The following CTBP1 variants were observed in gnomAD, a reference collection of about 807,000 sequenced individuals.
CTBP1 encodes the protein C-terminal-binding protein 1.
Under a neutral mutation model 42.1 loss-of-function variants are expected in CTBP1, and 11 were observed. That is an observed-to-expected ratio of 0.26 (90% CI 0.16 to 0.43). CTBP1 has a LOEUF of 0.43. CTBP1 is among the 20% of genes least tolerant of loss of function. The pLI, the probability that CTBP1 is intolerant of heterozygous loss-of-function variation, is 1.00. For synonymous variants in CTBP1, 324 were observed against 277.1 expected (o/e 1.17, Z -1.68); for missense variants, 399 against 624.3 (o/e 0.64, Z 3.85).
intron 3 of CTBP1, among the ~76,000 whole-genome samples, chr4:1,234,191 G>A (rs1240889586): frequency 6.6e-6 from 1 of 152,252 alleles, no homozygotes; most frequent in Non-Finnish European, 1.5e-5. Flanking sequence ...AGCCCCTGCA[G>A]ACTCCACACA....
chr4:1,216,168 G>C lies in CTBP1; in HGVS notation c.552C>G (p.Ala184=). The C allele has an allele frequency of 6.2e-7, 1 of 1,610,862 alleles. No homozygotes were observed. Residue 184 remains alanine, a synonymous_variant, in exon 6 of 10, where the codon GCC becomes GCG. Transcript: ENST00000382952. The stretch of plus-strand genomic sequence containing the variant: ...CGTAGAAGAGCACGTTGAAGCCGAA[G>C]GCCTTGGCCCGCAGCGCCACTGCCT... ...VGQAVALRAK[A]FGFNVLFYDP...
intron 3 of CTBP1, chr4:1,231,105 T>C (rs1300812904): frequency 6.6e-6 from 1 of 152,270 alleles, no homozygotes; most frequent in African/African-American, 2.4e-5. Context: ...CTCCACCACG[T>C]ACCAGGTTGG....
intron 1 of CTBP1, chr4:1,245,320 T>C (rs1182939307): frequency 2.0e-6 from 2 of 985,418 alleles, no homozygotes; most frequent in East Asian, 2.3e-4. Context: ...CACGTTTCCC[T>C]GTTTGTTCAG....
At chr4:1,228,565 G>A (rs1445707352) in intron 3 of CTBP1, among the ~76,000 whole-genome samples, 1 of 152,234 alleles carries the variant, frequency 6.6e-6, no homozygotes, top group Admixed American at 6.5e-5. Flanking sequence ...TCCCACCGCA[G>A]CCTCCTCAGC....
At chr4:1,214,103 G>T (rs1327798520) in intron 7 of CTBP1, 4 of 531,104 alleles carry the variant, frequency 7.5e-6, no homozygotes, top group Non-Finnish European at 1.3e-5. Flanking sequence ...TTGGTCAGGA[G>T]CCCTGCCCAA....
At chr4:1,242,558 A>G in intron 1 of CTBP1, 2 of 985,378 alleles carry the variant, frequency 2.0e-6, no homozygotes, top group Non-Finnish European at 2.4e-6. Context: ...CATGCCGACC[A>G]TCTCCAGCTT....
At chr4:1,213,710 A>T in intron 7 of CTBP1, 105 bp from the exon 8 acceptor site, 1 of 1,449,260 alleles carries the variant, frequency 6.9e-7, no homozygotes, top group Non-Finnish European at 9.2e-7. Flanking sequence ...CTGCCTGGGA[A>T]CCACAGACCC....
intron 5 of CTBP1, among the ~76,000 whole-genome samples, chr4:1,224,715 T>C (rs891252875): frequency 4.6e-5 from 7 of 150,724 alleles, no homozygotes; most frequent in African/African-American, 1.7e-4. Context: ...TGTTGTGATA[T>C]CTGTGTGAGG....
chr4:1,242,080 C>T, intron 1 of CTBP1: 1 of 985,424 alleles, frequency 1.0e-6, no homozygotes, highest in Non-Finnish European at 1.2e-6. Flanking sequence ...CTCAGTGCAT[C>T]CTGGCGACGC....
At chr4:1,249,749 C>T, upstream of CTBP1, 1 of 351,446 alleles carries the variant, frequency 2.8e-6, no homozygotes, top group East Asian at 1.4e-4. Flanking sequence ...GGACCGCGTC[C>T]TGCCCGGCCC....
In CTBP1 at chr4:1,238,411, CTG is replaced by C. The variant is rs562766185; in HGVS notation, c.8-76_8-75del. The C allele has an allele frequency of 3.9e-3, 5,853 of 1,490,058 alleles. 16 individuals are homozygous for C. Among genetic ancestry groups the C allele is most frequent in the Non-Finnish European group, 4.7e-3 (5,293 of 1,122,432 alleles). 92.3% of individuals were successfully genotyped at this position (1,490,058 alleles called of 1,614,324 possible). ...GCTACAACCCACTCCACGCCACCCACTGTGCACGGGCCAACGAGGGCCGACCG... is the reference window on the plus strand; with the variant it reads ...GCTACAACCCACTCCACGCCACCCACTGCACGGGCCAACGAGGGCCGACCG... On this transcript the variant is annotated intron_variant, in intron 2 of 9. Transcript: ENST00000382952. This position sits in a 1 kb window ranked among gnomAD's most constrained non-coding sequence, Gnocchi z 5.9.
At chr4:1,242,542 A>G (rs1187045156) in intron 1 of CTBP1, 1 of 985,064 alleles carries the variant, frequency 1.0e-6, no homozygotes, top group African/African-American at 1.8e-5. Flanking sequence ...GCAGGATTCA[A>G]GCATACATGC....
chr4:1,216,092 T>C lies in CTBP1; in HGVS notation c.628A>G (p.Ser210Gly). ...VERALGLQRVSTLQDLLFHSD... is the reference protein window; with the variant it reads ...VERALGLQRVGTLQDLLFHSD... ...TGGAAGAGCAGGTCCTGCAGGGTGCTGACACGCTGCAGCCCCAGCGCCCGC... is the reference window on the plus strand; with the variant it reads ...TGGAAGAGCAGGTCCTGCAGGGTGCCGACACGCTGCAGCCCCAGCGCCCGC... The change falls in exon 6 of 10, where the codon AGC (serine) becomes GGC (glycine). Residue 210 changes from serine to glycine, a missense_variant. Physicochemically the swap from Ser to Gly is moderately conservative, Grantham distance 56. Transcript: ENST00000382952. The C allele has an allele frequency of 6.2e-7, 1 of 1,611,512 alleles. No homozygotes were observed. The highest frequency in any genetic ancestry group is 8.5e-7 in the Non-Finnish European group (1 of 1,179,890).
chr4:1,222,171 A>G (rs978179304), intron 5 of CTBP1, among the ~76,000 whole-genome samples: 12 of 152,056 alleles, frequency 7.9e-5, no homozygotes, highest in African/African-American at 2.9e-4. Flanking sequence ...GCTCTTCCAC[A>G]GAGGGTGGGA....
At chr4:1,212,478 C>T (rs1473967117) in intron 9 of CTBP1, 55 bp from the exon 10 acceptor site, 2 of 1,363,422 alleles carry the variant, frequency 1.5e-6, no homozygotes, top group East Asian at 2.9e-5. Context: ...TGGCCAGGCC[C>T]CACCTGCCCT....
At chr4:1,216,285 G>T in intron 5 of CTBP1, 80 bp from the exon 6 acceptor site, 1 of 1,352,988 alleles carries the variant, frequency 7.4e-7, no homozygotes, top group Non-Finnish European at 1.0e-6. Flanking sequence ...GGTCGGAGTG[G>T]CCTCTGTGCC....
At chr4:1,230,866 C>T (rs1342702225) in intron 3 of CTBP1, among the ~76,000 whole-genome samples, 1 of 152,248 alleles carries the variant, frequency 6.6e-6, no homozygotes, top group East Asian at 1.9e-4. Flanking sequence ...AAGCGTGCGC[C>T]GGCCAAGGGC....
chr4:1,237,875 A>G, intron 3 of CTBP1: 1 of 699,018 alleles, frequency 1.4e-6, no homozygotes, highest in Non-Finnish European at 2.6e-6. Context: ...GATGGGGCAC[A>G]GGGCAAACCG....
intron 5 of CTBP1, among the ~76,000 whole-genome samples, chr4:1,219,701 A>G (rs1412297926): frequency 6.6e-6 from 1 of 152,254 alleles, no homozygotes; most frequent in African/African-American, 2.4e-5. Context: ...AGAAAATTCA[A>G]GAGAATCTGT....
Sources: gnomAD v4.1 joint callset for allele counts (sites outside exome capture counted in the v4.1 genomes callset) on GRCh38, gnomAD v4.1.1 for gene constraint, Gnocchi (gnomAD v3.1) non-coding constraint, MANE v1.5 for transcripts, NCBI Gene and HGNC (gene_info 2026-07-23, HGNC 2026-07-21) for gene names.